Variants in SLC12A6 observed in about 807,000 individuals in gnomAD.
SLC12A6 encodes the protein solute carrier family 12 member 6.
Under a neutral mutation model 135.3 loss-of-function variants are expected in SLC12A6, and 66 were observed. That is an observed-to-expected ratio of 0.49 (90% CI 0.40 to 0.60). The LOEUF is 0.60. Ranked by LOEUF, SLC12A6 falls within the 20% of genes least tolerant of loss-of-function variation. The probability of loss-of-function intolerance (pLI) is 0.00; values close to 1 mark genes in which losing one functional copy is unlikely to be tolerated. For synonymous variants in SLC12A6, 513 were observed against 508.8 expected (o/e 1.01, Z -0.11); for missense variants, 1,058 against 1,452.3 (o/e 0.73, Z 4.41).
chr15:34,269,339 G>T (rs1312831933), intron 3 of SLC12A6, among the ~76,000 whole-genome samples: 1 of 151,758 alleles, frequency 6.6e-6, no homozygotes. Context: ...TATACCAAAG[G>T]TCTTACTCTT....
rs535959544 is a variant in SLC12A6, at chr15:34,241,829, T to A, written c.2162+273A>T. 2.0e-5 allele frequency among the ~76,000 whole-genome samples: 3 copies of A among 152,304 alleles called. No homozygotes were observed. The East Asian group carries it at 5.8e-4, about 29-fold the overall frequency. ...CCTTGACTGAAGAGATAAGCAAAAA[T>A]ATTTACATTTGTGTTGTACTTTGTT... is the stretch of plus-strand genomic sequence containing the variant. On this transcript the variant is annotated intron_variant, in intron 17 of 25. Coordinates refer to ENST00000354181, the MANE Select transcript of SLC12A6 (RefSeq NM_001365088.1).
rs1163565166 is a variant in SLC12A6, at chr15:34,337,427, A to T, written c.-168T>A. The T allele has an allele frequency of 6.5e-6, 1 of 153,776 alleles. No individual in the cohort carries two copies. The highest frequency in any genetic ancestry group is 1.4e-5 in the Non-Finnish European group (1 of 69,174). 9.5% of individuals were successfully genotyped at this position (153,776 alleles called of 1,614,324 possible). On this transcript the variant is annotated 5_prime_UTR_variant, in exon 1 of 26. Coordinates refer to ENST00000354181, the MANE Select transcript of SLC12A6 (RefSeq NM_001365088.1). Reference sequence around the variant, plus strand: ...GGGGTGGCGCGCCCGCTCTTCTCCTAGCAGAAAGGTCCTCGGGGTCTGGGA... The same window carrying T: ...GGGGTGGCGCGCCCGCTCTTCTCCTTGCAGAAAGGTCCTCGGGGTCTGGGA...
chr15:34,238,959 T>C lies in SLC12A6; in HGVS notation c.2632+6A>G. On this transcript the variant is annotated splice_donor_region_variant and intron_variant, in intron 20 of 25. Transcript: ENST00000354181. ...CCTTTAGGTTTGTATGAGAAATGGT[T>C]AGTACCAATAAAAGTCTTCCAAGCG... The C allele has an allele frequency of 6.2e-7, 1 of 1,610,884 alleles. No homozygotes were observed. The highest frequency in any genetic ancestry group is 8.5e-7 in the Non-Finnish European group (1 of 1,177,006).
At chr15:34,292,316 A>G (rs1895592065) in intron 2 of SLC12A6, among the ~76,000 whole-genome samples, 1 of 152,154 alleles carries the variant, frequency 6.6e-6, no homozygotes, top group Non-Finnish European at 1.5e-5. Context: ...TCACCAGCAG[A>G]GGCTGCAGAA....
At position 34,256,297 on chromosome 15, in the gene SLC12A6, G is replaced by A; in HGVS notation, c.691-14C>T. 1 of 1,570,484 alleles carries A rather than the reference G, an allele frequency of 6.4e-7. No homozygotes were observed. Among genetic ancestry groups the A allele is most frequent in the Non-Finnish European group, 8.8e-7 (1 of 1,140,178 alleles). ...AGTCAACATTGTCTGCAGAGAAAAGGAAAGGAGAGGATTGTTACTGTGTAA... is the reference window on the plus strand; with the variant it reads ...AGTCAACATTGTCTGCAGAGAAAAGAAAAGGAGAGGATTGTTACTGTGTAA... On this transcript the variant is annotated splice_polypyrimidine_tract_variant and intron_variant, in intron 6 of 25. Coordinates refer to ENST00000354181, the MANE Select transcript of SLC12A6 (RefSeq NM_001365088.1).
At chr15:34,326,237 A>T (rs1889447328) in intron 2 of SLC12A6, among the ~76,000 whole-genome samples, 1 of 152,174 alleles carries the variant, frequency 6.6e-6, no homozygotes, top group South Asian at 2.1e-4. Context: ...AATCCCAACC[A>T]AAGAGGGTAG....
chr15:34,275,480 A>C, intron 2 of SLC12A6, 91 bp from the exon 3 acceptor site: 1 of 740,132 alleles, frequency 1.4e-6, no homozygotes, highest in Non-Finnish European at 2.4e-6. Flanking sequence ...CAACCAAGGA[A>C]ATAAGCAAAA....
intron 3 of SLC12A6, among the ~76,000 whole-genome samples, chr15:34,273,917 C>T (rs184508110): frequency 6.6e-6 from 1 of 151,812 alleles, no homozygotes; most frequent in Admixed American, 6.6e-5. Flanking sequence ...AAGCATTACT[C>T]CATACTGGTG....
At chr15:34,336,202 ACACCTTCC>A (rs1890183213) in intron 2 of SLC12A6, among the ~76,000 whole-genome samples, 200 bp downstream of exon 2, 1 of 152,196 alleles carries the variant, frequency 6.6e-6, no homozygotes, top group Non-Finnish European at 1.5e-5. Context: ...TTCTTGTCAT[ACACCTTCC>A]CACATACCAA....
At chr15:34,248,696 G>C in intron 13 of SLC12A6, among the ~76,000 whole-genome samples, 1 of 152,046 alleles carries the variant, frequency 6.6e-6, no homozygotes, top group Non-Finnish European at 1.5e-5. Flanking sequence ...CAACGTGTAG[G>C]GGAGAGTAAT....
intron 2 of SLC12A6, among the ~76,000 whole-genome samples, chr15:34,278,724 C>A (rs1337897671): frequency 1.3e-5 from 2 of 151,838 alleles, no homozygotes; most frequent in Non-Finnish European, 2.9e-5. Context: ...GTGCCCACCA[C>A]CACGCCCAGC....
intron 2 of SLC12A6, among the ~76,000 whole-genome samples, chr15:34,320,822 T>C (rs1199882503): frequency 1.3e-5 from 2 of 151,492 alleles, no homozygotes. Flanking sequence ...GACAGGAGAA[T>C]GGCATGAACC....
rs142851441 is a variant in SLC12A6 at position 34,322,005 on chromosome 15, A to G, written c.271+14405T>C. 1.3e-3 allele frequency among the ~76,000 whole-genome samples: 195 copies of G among 152,352 alleles called. No homozygotes were observed. The Middle Eastern group carries it at 0.024, about 19-fold the overall frequency. The stretch of plus-strand genomic sequence containing the variant: ...GGGACTGGGCCTGAAAGAACTTCCT[A>G]GAGTGATGGTAATATTCTACATCTT... On this transcript the variant is annotated intron_variant, in intron 2 of 25. Coordinates refer to ENST00000354181, the MANE Select transcript of SLC12A6 (RefSeq NM_001365088.1).
At chr15:34,305,400 AT>A (rs1047667628) in intron 2 of SLC12A6, among the ~76,000 whole-genome samples, 34 of 120,164 alleles carry the variant, frequency 2.8e-4, no homozygotes, top group East Asian at 1.7e-3. Flanking sequence ...TTTTTTTTGT[AT>A]TTTTTTTTTG....
chr15:34,277,303 G>A (rs1257293658), intron 2 of SLC12A6, among the ~76,000 whole-genome samples: 2 of 152,038 alleles, frequency 1.3e-5, no homozygotes, highest in East Asian at 1.9e-4. Flanking sequence ...GCATAGTGGC[G>A]TGTGCACCTG....
intron 2 of SLC12A6, among the ~76,000 whole-genome samples, chr15:34,319,401 C>CACAGTGCTGGGATTA (rs1888897720): frequency 6.6e-6 from 1 of 151,990 alleles, no homozygotes; most frequent in Non-Finnish European, 1.5e-5. Flanking sequence ...CTCGGCCTCC[C>CACAGTGCTGGGATTA]ACAGTGCTGG....
At position 34,250,281 on chromosome 15, in the gene SLC12A6, A is replaced by AGT. The variant is rs1566811216; in HGVS notation, c.1649+16_1649+17insAC. The AGT allele has an allele frequency of 7.2e-7, 1 of 1,393,878 alleles. No homozygotes were observed. The highest frequency in any genetic ancestry group is 1.0e-6 in the Non-Finnish European group (1 of 978,684). 86.3% of individuals were successfully genotyped at this position (1,393,878 alleles called of 1,614,324 possible). On this transcript the variant is annotated intron_variant, in intron 13 of 25. Transcript: ENST00000354181. ...GCAGACACACACATAATTGTTACAA[A>AGT]GAAATTCATTACTCACTTGTCTCTG...
chr15:34,318,659 G>A (rs747247285), intron 2 of SLC12A6: 1 of 1,613,082 alleles, frequency 6.2e-7, no homozygotes, highest in Admixed American at 1.7e-5. Flanking sequence ...CTCTACCTTA[G>A]TCACAGTAAA....
chr15:34,313,842 C>T (rs1888432556), intron 2 of SLC12A6, among the ~76,000 whole-genome samples: 2 of 151,402 alleles, frequency 1.3e-5, no homozygotes, highest in Non-Finnish European at 2.9e-5. Flanking sequence ...TGTAATGGTG[C>T]ACATCTGCAG....
Sources: allele counts gnomAD v4.1 joint callset (sites outside exome capture counted in the v4.1 genomes callset), GRCh38; gene constraint gnomAD v4.1.1; transcripts MANE v1.5; gene names NCBI Gene and HGNC (gene_info 2026-07-23, HGNC 2026-07-21).